The following SGCZ variants were observed in gnomAD, a reference collection of about 807,000 sequenced individuals.
SGCZ encodes sarcoglycan zeta.
In SGCZ, 40 loss-of-function variants were observed where a neutral mutation model predicts 41.3. That is an observed-to-expected ratio of 0.97 (90% CI 0.75 to 1.26). The LOEUF (loss-of-function observed/expected upper bound fraction) is 1.26. Ranked by LOEUF, SGCZ falls within the 50% of genes most tolerant of loss-of-function variation. The probability of loss-of-function intolerance (pLI) is 0.00; values close to 1 mark genes in which losing one functional copy is unlikely to be tolerated. For synonymous variants in SGCZ, 206 were observed against 137.5 expected, an observed-to-expected ratio of 1.50 and a Z score of -3.49; for missense variants, 552 against 369.8, an observed-to-expected ratio of 1.49 and a Z score of -4.04.
At chr8:14,109,622 A>G (rs568884861) in intron 5 of SGCZ, among the ~76,000 whole-genome samples, 34 of 152,324 alleles carry the variant, frequency 2.2e-4, no homozygotes, top group African/African-American at 7.2e-4. Context: ...CATGTAAAAT[A>G]TATTAATTCA....
chr8:14,604,326 G>A (rs1805680464), intron 1 of SGCZ, among the ~76,000 whole-genome samples: 1 of 152,078 alleles, frequency 6.6e-6, no homozygotes, highest in East Asian at 1.9e-4. Context: ...AAATTGTGAG[G>A]CCTAGTGTAA....
Position 14,215,992 on chromosome 8 carries a change from A to G in SGCZ, c.424+21600T>C, listed in dbSNP as rs149334462. Among the ~76,000 whole-genome samples, 66 of 152,346 alleles carry G rather than the reference A, an allele frequency of 4.3e-4. 1 individual carries two copies. The highest frequency in any genetic ancestry group is 1.5e-3 in the African/African-American group (64 of 41,590). ...TCACAGACCCTGAGGAGGGTGCTGT[A>G]AAAAGGCAGCAGCTGCAGCCTCAAC... On this transcript the variant is annotated intron_variant, in intron 4 of 7. Coordinates refer to ENST00000382080, the MANE Select transcript of SGCZ (RefSeq NM_139167.4).
At chr8:14,328,771 A>T (rs1040896173) in intron 2 of SGCZ, among the ~76,000 whole-genome samples, 27 of 152,250 alleles carry the variant, frequency 1.8e-4, no homozygotes, top group African/African-American at 6.0e-4. Flanking sequence ...GGCCAATGTG[A>T]TAGTATTAAG....
At chr8:14,508,442 T>C (rs963834195) in intron 2 of SGCZ, among the ~76,000 whole-genome samples, 1 of 152,144 alleles carries the variant, frequency 6.6e-6, no homozygotes, top group Admixed American at 6.6e-5. Context: ...AGAAAGAAGA[T>C]CCACCTGCCA....
chr8:14,102,384 C>T lies in SGCZ; in HGVS notation c.736G>A (p.Glu246Lys), dbSNP rs1428114101. Residue 246 changes from glutamate to lysine, a missense_variant, in exon 7 of 8, where the codon GAA becomes AAA. Coordinates refer to ENST00000382080, the MANE Select transcript of SGCZ (RefSeq NM_139167.4). ...AACTTTCTGGGACTCACCTCCCCTT[C>T]TGTAGATTGCAGATGGAGCTCCTTC... The part of the protein sequence containing the change: ...CRKELHLQST[E>K]GEIFLNAETI... 15 of 1,508,534 alleles carry T rather than the reference C, an allele frequency of 9.9e-6. No individual in the cohort carries two copies. Among genetic ancestry groups the T allele is most frequent in the African/African-American group, 1.4e-5 (1 of 71,988 alleles). 93.4% of individuals were successfully genotyped at this position (1,508,534 alleles called of 1,614,324 possible).
intron 1 of SGCZ, among the ~76,000 whole-genome samples, chr8:15,188,632 G>T (rs1049175554): frequency 6.6e-6 from 1 of 152,066 alleles, no homozygotes; most frequent in African/African-American, 2.4e-5. Context: ...TTTAAAAAAC[G>T]GATAAGGATC....
At chr8:14,457,800 C>A (rs914219892) in intron 2 of SGCZ, among the ~76,000 whole-genome samples, 1 of 152,152 alleles carries the variant, frequency 6.6e-6, no homozygotes, top group African/African-American at 2.4e-5. Flanking sequence ...GGAGGTGACT[C>A]ACATTTTTTA....
intron 1 of SGCZ, among the ~76,000 whole-genome samples, chr8:15,172,154 GT>G (rs1183210302): frequency 1.7e-4 from 12 of 71,766 alleles, no homozygotes; most frequent in African/African-American, 2.6e-4. Flanking sequence ...TTTATACTCT[GT>G]TTTTTTTTTT....
chr8:14,726,987 G>T (rs1232745490), intron 1 of SGCZ, among the ~76,000 whole-genome samples: 2 of 151,986 alleles, frequency 1.3e-5, no homozygotes, highest in Admixed American at 6.6e-5. Flanking sequence ...AAAATGTGTT[G>T]TTCATCAAAA....
chr8:14,415,075 GTGT>G (rs1799458952), intron 2 of SGCZ, among the ~76,000 whole-genome samples: 1 of 151,740 alleles, frequency 6.6e-6, no homozygotes, highest in African/African-American at 2.4e-5. Context: ...TAATGGGAGA[GTGT>G]TTTTACAATC....
rs577755791 is a variant in SGCZ at position 14,622,742 on chromosome 8, A to G, written c.40-67816T>C. Reference sequence around the variant, plus strand: ...AGTGAGAATGGTGTAAAAATTGTATATGAGGAAACCAGAAGACTAAGGGTG... The same window carrying G: ...AGTGAGAATGGTGTAAAAATTGTATGTGAGGAAACCAGAAGACTAAGGGTG... On this transcript the variant is annotated intron_variant, in intron 1 of 7. Transcript: ENST00000382080. Among the ~76,000 whole-genome samples the G allele has an allele frequency of 2.0e-5, 3 of 152,340 alleles. No homozygotes were observed. In the East Asian group the frequency reaches 5.8e-4, roughly 29 times the overall value.
intron 7 of SGCZ, among the ~76,000 whole-genome samples, chr8:14,099,884 GAAATGACTATGAA>G (rs1801958962): frequency 6.6e-6 from 1 of 152,062 alleles, no homozygotes; most frequent in Non-Finnish European, 1.5e-5. Context: ...TACTATGCCT[GAAATGACTATGAA>G]TTTTCAGCAG....
intron 3 of SGCZ, among the ~76,000 whole-genome samples, chr8:14,244,749 T>C (rs1240962492): frequency 1.3e-5 from 2 of 152,086 alleles, no homozygotes; most frequent in African/African-American, 2.4e-5. Context: ...TCCATTTGTT[T>C]CTATCCTCTT....
Position 14,929,237 on chromosome 8 carries a change from C to T in SGCZ, c.39+308348G>A, listed in dbSNP as rs542685113. On this transcript the variant is annotated intron_variant, in intron 1 of 7. Transcript: ENST00000382080. Reference sequence around the variant, plus strand: ...CGAACTCCTGACCTCGTGATCCACCCGCCTCGGCCTCCCAAAGTACTGGGA... The same window carrying T: ...CGAACTCCTGACCTCGTGATCCACCTGCCTCGGCCTCCCAAAGTACTGGGA... Among the ~76,000 whole-genome samples, 682 of 152,246 alleles carry T rather than the reference C, an allele frequency of 4.5e-3. 6 individuals are homozygous for T. Among genetic ancestry groups the T allele is most frequent in the Middle Eastern group, 6.8e-3 (2 of 294 alleles).
chr8:14,408,966 T>TGTGTGTGC (rs1395616202), intron 2 of SGCZ, among the ~76,000 whole-genome samples: 3 of 136,820 alleles, frequency 2.2e-5, no homozygotes, highest in African/African-American at 1.0e-4. Context: ...TGTGTGTGTG[T>TGTGTGTGC]GTGTGCATGT....
intron 1 of SGCZ, among the ~76,000 whole-genome samples, chr8:15,130,937 T>C (rs532080921): frequency 6.6e-5 from 10 of 152,320 alleles, no homozygotes; most frequent in African/African-American, 2.2e-4. Context: ...GCATTTACTA[T>C]GTGTTGACCA....
intron 1 of SGCZ, among the ~76,000 whole-genome samples, chr8:15,180,398 G>A (rs1327447077): frequency 6.6e-6 from 1 of 152,094 alleles, no homozygotes; most frequent in East Asian, 1.9e-4. Context: ...AATATTACTT[G>A]CCATATTACA....
intron 1 of SGCZ, among the ~76,000 whole-genome samples, chr8:14,590,229 A>C (rs926065484): frequency 1.3e-5 from 2 of 152,140 alleles, no homozygotes; most frequent in Admixed American, 1.3e-4. Flanking sequence ...AGGACAGAGG[A>C]TATGAATAAA....
At chr8:14,760,776 G>A (rs1272248564) in intron 1 of SGCZ, among the ~76,000 whole-genome samples, 1 of 152,116 alleles carries the variant, frequency 6.6e-6, no homozygotes, top group African/African-American at 2.4e-5. Context: ...TATCTCTAAT[G>A]TTGCAATATC....
Sources: gnomAD v4.1 joint callset for allele counts (sites outside exome capture counted in the v4.1 genomes callset) on GRCh38, gnomAD v4.1.1 for gene constraint, MANE v1.5 for transcripts, NCBI Gene and HGNC (gene_info 2026-07-23, HGNC 2026-07-21) for gene names.